The following RERG variants were observed in gnomAD, a reference collection of about 807,000 sequenced individuals.
The protein encoded by RERG is RAS like estrogen regulated growth inhibitor, also known as ras-related and estrogen-regulated growth inhibitor.
Under a neutral mutation model 23.2 loss-of-function variants are expected in RERG, and 25 were observed. The observed-to-expected ratio is 1.08, with a 90% CI of 0.79 to 1.50. The LOEUF (loss-of-function observed/expected upper bound fraction) is 1.50. RERG is among the 40% of genes most tolerant of loss of function. The pLI is 0.00. For synonymous variants in RERG, 81 were observed against 89.1 expected (o/e 0.91, Z 0.51); for missense variants, 253 against 250.1 (o/e 1.01, Z -0.08).
chr12:15,195,266 C>T (rs1029842421), intron 2 of RERG, among the ~76,000 whole-genome samples: 7 of 152,024 alleles, frequency 4.6e-5, no homozygotes, highest in African/African-American at 1.4e-4. Context: ...GGGATGAGCC[C>T]AAGCTGTCAC....
intron 2 of RERG, among the ~76,000 whole-genome samples, chr12:15,167,381 C>A (rs748425675): frequency 1.6e-4 from 25 of 152,164 alleles, no homozygotes; most frequent in Non-Finnish European, 3.1e-4. Flanking sequence ...AAGTGGTTCT[C>A]AAAGTTCAGC....
At chr12:15,132,272 T>C (rs950858563) in intron 2 of RERG, among the ~76,000 whole-genome samples, 2 of 152,168 alleles carry the variant, frequency 1.3e-5, no homozygotes, top group African/African-American at 4.8e-5. Flanking sequence ...ACTAAATGTG[T>C]CCAATAATAA....
chr12:15,141,630 G>T (rs1340407483), intron 2 of RERG, among the ~76,000 whole-genome samples: 2 of 152,106 alleles, frequency 1.3e-5, no homozygotes, highest in African/African-American at 4.8e-5. Context: ...TTCTGTATTT[G>T]TCTGTCTCTT....
At chr12:15,209,848 G>A (rs1005145175) in intron 2 of RERG, among the ~76,000 whole-genome samples, 2 of 152,170 alleles carry the variant, frequency 1.3e-5, no homozygotes, top group African/African-American at 4.8e-5. Context: ...TTGAGTCATA[G>A]ACTGGAATGC....
rs11056364 is a variant in RERG, at chr12:15,132,931, T to C, written c.62-11812A>G. Among the ~76,000 whole-genome samples, 1,502 of 151,936 alleles carry C rather than the reference T, an allele frequency of 9.9e-3. 60 individuals are homozygous for C. In the East Asian group the frequency reaches 0.14, roughly 15 times the overall value. On this transcript the variant is annotated intron_variant, in intron 2 of 4. Transcript: ENST00000256953. ...CAGCAATTTTAAGTTCATAGCAAAATTGATCAGAAAGCACACAGAGTTTCC... is the reference window on the plus strand; with the variant it reads ...CAGCAATTTTAAGTTCATAGCAAAACTGATCAGAAAGCACACAGAGTTTCC...
chr12:15,131,690 T>C (rs1265584302), intron 2 of RERG, among the ~76,000 whole-genome samples: 1 of 152,132 alleles, frequency 6.6e-6, no homozygotes, highest in Admixed American at 6.5e-5. Context: ...CTGGATGACC[T>C]CCTTATACAG....
chr12:15,166,134 ATTG>A (rs1289780758), intron 2 of RERG, among the ~76,000 whole-genome samples: 1 of 152,212 alleles, frequency 6.6e-6, no homozygotes, highest in Non-Finnish European at 1.5e-5. Context: ...AGATATTTTT[ATTG>A]TTATCAACTT....
At chr12:15,110,455 A>ATTTTTTTTTTTTTTTT (rs1257915419) in intron 4 of RERG, among the ~76,000 whole-genome samples, 1 of 59,344 alleles carries the variant, frequency 1.7e-5, no homozygotes, top group East Asian at 5.0e-4. Context: ...TCCAGTGGCC[A>ATTTTTTTTTTTTTTTT]TTTTTTTCTT....
rs183683759 is a variant in RERG, at chr12:15,108,712, G to T, written c.*398C>A. 30 of 157,914 alleles carry T rather than the reference G, an allele frequency of 1.9e-4. No homozygotes were observed. In the East Asian group the frequency reaches 5.4e-3, roughly 29 times the overall value. 9.8% of individuals were successfully genotyped at this position (157,914 alleles called of 1,614,324 possible). A position where few individuals can be genotyped will look rare whatever the true frequency, so the allele number is the denominator to read the frequency against. ...CAGCTTCTTCTCCTGTGTTTTTACT[G>T]TATTTTCTGCTATCTTAGACTTTTA... is the stretch of plus-strand genomic sequence containing the variant. On this transcript the variant is annotated 3_prime_UTR_variant, in exon 5 of 5. Coordinates refer to ENST00000256953, the MANE Select transcript of RERG (RefSeq NM_032918.3).
chr12:15,192,499 A>G (rs1865085987), intron 2 of RERG, among the ~76,000 whole-genome samples: 1 of 152,190 alleles, frequency 6.6e-6, no homozygotes, highest in African/African-American at 2.4e-5. Context: ...ATTTTGAGAT[A>G]ATTTTAGACA....
chr12:15,155,553 A>G (rs1864509157), intron 2 of RERG, among the ~76,000 whole-genome samples: 1 of 152,114 alleles, frequency 6.6e-6, no homozygotes, highest in Non-Finnish European at 1.5e-5. Context: ...ATTGAGTAAG[A>G]AGAACAGGTA....
intron 2 of RERG, among the ~76,000 whole-genome samples, chr12:15,136,806 A>C (rs1420027477): frequency 2.0e-5 from 3 of 151,956 alleles, no homozygotes; most frequent in Admixed American, 2.0e-4. Flanking sequence ...GGTGTTTTTT[A>C]TGACCTAGAA....
intron 2 of RERG, among the ~76,000 whole-genome samples, chr12:15,176,565 G>C (rs2136125828): frequency 1.3e-5 from 2 of 152,182 alleles, no homozygotes; most frequent in Admixed American, 1.3e-4. Flanking sequence ...AAACACACTT[G>C]ACTGAGTATA....
intron 2 of RERG, among the ~76,000 whole-genome samples, chr12:15,132,536 A>G (rs756513308): frequency 6.6e-6 from 1 of 152,232 alleles, no homozygotes; most frequent in East Asian, 1.9e-4. Context: ...ATAAGTCATC[A>G]AATCAGTTGG....
intron 2 of RERG, among the ~76,000 whole-genome samples, chr12:15,135,347 T>A (rs1270241316): frequency 2.6e-5 from 4 of 152,106 alleles, no homozygotes; most frequent in African/African-American, 9.7e-5. Context: ...GACGATCACA[T>A]AATTTGTGAA....
intron 2 of RERG, among the ~76,000 whole-genome samples, chr12:15,209,722 T>C (rs1021848460): frequency 1.7e-4 from 26 of 152,236 alleles, no homozygotes; most frequent in African/African-American, 6.3e-4. Context: ...AAAGTTTGTA[T>C]GATAAAATTC....
At chr12:15,155,045 G>A (rs1453554709) in intron 2 of RERG, among the ~76,000 whole-genome samples, 3 of 152,014 alleles carry the variant, frequency 2.0e-5, no homozygotes, top group Non-Finnish European at 2.9e-5. Flanking sequence ...ATGATTAATT[G>A]GGATAAGAAA....
At chr12:15,154,082 CT>C (rs1864484943) in intron 2 of RERG, among the ~76,000 whole-genome samples, 3 of 152,172 alleles carry the variant, frequency 2.0e-5, no homozygotes, top group Admixed American at 2.0e-4. Context: ...GGAACCAATC[CT>C]TCTGACGCCT....
intron 3 of RERG, among the ~76,000 whole-genome samples, chr12:15,118,821 T>A (rs941506161): frequency 6.6e-6 from 1 of 152,106 alleles, no homozygotes; most frequent in Admixed American, 6.6e-5. Context: ...CTTCCACGCT[T>A]CCTGTACAGC....
Sources: allele counts gnomAD v4.1 joint callset (sites outside exome capture counted in the v4.1 genomes callset), GRCh38; gene constraint gnomAD v4.1.1; transcripts MANE v1.5; gene names NCBI Gene and HGNC (gene_info 2026-07-23, HGNC 2026-07-21).